The following SORCS2 variants were observed in gnomAD, a reference collection of about 807,000 sequenced individuals.
The protein encoded by SORCS2 is sortilin related VPS10 domain containing receptor 2, also known as VPS10 domain-containing receptor SorCS2.
In SORCS2, 100 loss-of-function variants were observed where a neutral mutation model predicts 141.6. That is an observed-to-expected ratio of 0.71 (90% CI 0.60 to 0.83). The LOEUF (loss-of-function observed/expected upper bound fraction) is 0.83. Ranked by LOEUF, SORCS2 falls within the 40% of genes least tolerant of loss-of-function variation. SORCS2 has a pLI of 0.00. For synonymous variants in SORCS2, 789 were observed against 676.9 expected, an observed-to-expected ratio of 1.17 and a Z score of -2.57; for missense variants, 1,646 against 1,560.2, an observed-to-expected ratio of 1.05 and a Z score of -0.93.
intron 2 of SORCS2, among the ~76,000 whole-genome samples, chr4:7,485,201 C>T (rs766144501): frequency 6.6e-6 from 1 of 152,218 alleles, no homozygotes; most frequent in Non-Finnish European, 1.5e-5. Context: ...CTGCAGCCTT[C>T]GGTCCCCAGA....
chr4:7,432,640 G>A (rs531101006), intron 2 of SORCS2: 2 of 152,120 alleles, frequency 1.3e-5, no homozygotes, highest in South Asian at 2.1e-4. Context: ...GCAGCGGAGG[G>A]TCTGGGGTGC....
intron 3 of SORCS2, among the ~76,000 whole-genome samples, chr4:7,546,769 G>A (rs998623187): frequency 4.6e-5 from 7 of 152,200 alleles, no homozygotes; most frequent in Non-Finnish European, 1.0e-4. Context: ...AGCAAGAAGT[G>A]GGATTTAAGG....
intron 1 of SORCS2, among the ~76,000 whole-genome samples, chr4:7,207,579 C>G (rs987723974): frequency 2.0e-5 from 3 of 152,328 alleles, no homozygotes; most frequent in African/African-American, 7.2e-5. Context: ...AGGATCCCTC[C>G]TTATGGCACA....
Position 7,733,277 on chromosome 4 carries a change from G to A in SORCS2, c.3109-45G>A, listed in dbSNP as rs780732635. 57 of 1,418,088 alleles carry A rather than the reference G, an allele frequency of 4.0e-5. No individual in the cohort carries two copies. The East Asian group carries it at 1.5e-3, about 37-fold the overall frequency. 87.8% of individuals were successfully genotyped at this position (1,418,088 alleles called of 1,614,324 possible). ...CCATCCCCCTTCCCTTTTGGCAGAGGAGCCTCCATGGAGGCCTCACTCACT... is the reference window on the plus strand; with the variant it reads ...CCATCCCCCTTCCCTTTTGGCAGAGAAGCCTCCATGGAGGCCTCACTCACT... On this transcript the variant is annotated intron_variant, in intron 23 of 26. Transcript: ENST00000507866.
At chr4:7,276,826 C>G (rs1039662082) in intron 1 of SORCS2, among the ~76,000 whole-genome samples, 8 of 152,168 alleles carry the variant, frequency 5.3e-5, no homozygotes, top group African/African-American at 1.9e-4. Flanking sequence ...CCATTCATCA[C>G]GCGGCAGACC....
At chr4:7,414,766 T>C (rs191592608) in intron 2 of SORCS2, among the ~76,000 whole-genome samples, 2 of 152,322 alleles carry the variant, frequency 1.3e-5, no homozygotes, top group African/African-American at 2.4e-5. Flanking sequence ...TAATTAGATA[T>C]AGGGTCTATG....
rs377432179 is a variant in SORCS2, at chr4:7,509,197, C to T, written c.549-22333C>T. On this transcript the variant is annotated intron_variant, in intron 2 of 26. Coordinates refer to ENST00000507866, the MANE Select transcript of SORCS2 (RefSeq NM_020777.3). Reference sequence around the variant, plus strand: ...AGCCCACATTAGAGCTGGGAGCATTCGCTGCCCCCCCAGAGCAAGGGGACA... The same window carrying T: ...AGCCCACATTAGAGCTGGGAGCATTTGCTGCCCCCCCAGAGCAAGGGGACA... Among the ~76,000 whole-genome samples, 108 of 152,262 alleles carry T rather than the reference C, an allele frequency of 7.1e-4. 1 individual carries two copies. In the South Asian group the frequency reaches 0.019, roughly 27 times the overall value.
rs1356894250 is a variant in SORCS2 at position 7,664,934 on chromosome 4, A to C, written c.1071+463A>C. Among the ~76,000 whole-genome samples the C allele has an allele frequency of 6.6e-6, 1 of 152,190 alleles. No homozygotes were observed. Among genetic ancestry groups the C allele is most frequent in the Non-Finnish European group, 1.5e-5 (1 of 68,028 alleles). Reference sequence around the variant, plus strand: ...TGGTCCCAGCTAATTCAGAAACTCTAGCACACAACCAATCCATCCAGCTTT... The same window carrying C: ...TGGTCCCAGCTAATTCAGAAACTCTCGCACACAACCAATCCATCCAGCTTT... On this transcript the variant is annotated intron_variant, in intron 7 of 26. Transcript: ENST00000507866. This position sits in a 1 kb window ranked among gnomAD's most constrained non-coding sequence, Gnocchi z 4.7.
At chr4:7,313,121 G>C (rs540894819) in intron 1 of SORCS2, among the ~76,000 whole-genome samples, 39 of 152,238 alleles carry the variant, frequency 2.6e-4, no homozygotes, top group Non-Finnish European at 4.8e-4. Flanking sequence ...GTACAACATG[G>C]TTAATTTCAC....
intron 2 of SORCS2, among the ~76,000 whole-genome samples, chr4:7,444,436 C>T (rs1342556368): frequency 1.3e-5 from 2 of 152,136 alleles, no homozygotes; most frequent in Non-Finnish European, 1.5e-5. Flanking sequence ...TGAGTGTAAA[C>T]TTGGAGGAGT....
intron 1 of SORCS2, among the ~76,000 whole-genome samples, chr4:7,347,601 G>A (rs1417228627): frequency 1.3e-5 from 2 of 152,186 alleles, no homozygotes; most frequent in Non-Finnish European, 2.9e-5. Context: ...ACTCACCTGA[G>A]TGGTTCCAAA....
At chr4:7,559,312 G>A (rs552027153) in intron 3 of SORCS2, among the ~76,000 whole-genome samples, 2 of 152,176 alleles carry the variant, frequency 1.3e-5, no homozygotes, top group African/African-American at 2.4e-5. Context: ...GGTTTATCTC[G>A]AGCCTGGCCC....
intron 3 of SORCS2, among the ~76,000 whole-genome samples, chr4:7,615,757 G>A (rs1718716822): frequency 1.4e-5 from 2 of 140,088 alleles, no homozygotes; most frequent in African/African-American, 5.6e-5. Flanking sequence ...CCCTCTTCAC[G>A]GTGCTCATCA....
chr4:7,279,335 ATG>A (rs1166137899), intron 1 of SORCS2, among the ~76,000 whole-genome samples: 1 of 152,216 alleles, frequency 6.6e-6, no homozygotes, highest in Non-Finnish European at 1.5e-5. Flanking sequence ...GTGGGGCAAA[ATG>A]TGTCTGTGAG....
chr4:7,723,826 G>A lies in SORCS2; in HGVS notation c.2554G>A (p.Val852Ile), dbSNP rs373572187. ...YESPGIYRVSVRAENTAGHDE... is the reference protein window; with the variant it reads ...YESPGIYRVSIRAENTAGHDE... Reference sequence around the variant, plus strand: ...GAGCCCCGGCATCTACCGCGTGTCCGTCAGGGCAGAGAACACGGCAGGCCA... The same window carrying A: ...GAGCCCCGGCATCTACCGCGTGTCCATCAGGGCAGAGAACACGGCAGGCCA... Residue 852 changes from valine to isoleucine, a missense_variant, in exon 19 of 27, where the codon GTC (valine) becomes ATC (isoleucine). Physicochemically the swap from Val to Ile is conservative, Grantham distance 29 (BLOSUM62 3). Transcript: ENST00000507866. The A allele has an allele frequency of 1.5e-4, 246 of 1,613,278 alleles. No individual in the cohort carries two copies. The East Asian group carries it at 1.9e-3, about 13-fold the overall frequency.
chr4:7,240,848 C>G (rs918778683), intron 1 of SORCS2, among the ~76,000 whole-genome samples: 1 of 152,164 alleles, frequency 6.6e-6, no homozygotes, highest in Non-Finnish European at 1.5e-5. Context: ...GTTTACACCC[C>G]GGTCGACCTT....
chr4:7,703,190 T>C (rs899620758), intron 12 of SORCS2, 90 bp from the exon 13 acceptor site: 10 of 1,042,458 alleles, frequency 9.6e-6, no homozygotes, highest in Admixed American at 2.6e-5. Flanking sequence ...CGGCTGCACA[T>C]TGACAACCCT....
intron 2 of SORCS2, among the ~76,000 whole-genome samples, chr4:7,475,204 G>A (rs10012715): frequency 0.14 from 21,201 of 152,038 alleles, 1,979 homozygotes; most frequent in African/African-American, 0.25. Flanking sequence ...ATAGGGTGCC[G>A]CCGTGCCTGG....
chr4:7,526,721 C>G (rs929151659), intron 2 of SORCS2, among the ~76,000 whole-genome samples: 2 of 152,174 alleles, frequency 1.3e-5, no homozygotes, highest in Non-Finnish European at 2.9e-5. Context: ...AAGAGCGAGT[C>G]TCTCAGCTGG....
Sources: gnomAD v4.1 joint callset for allele counts (sites outside exome capture counted in the v4.1 genomes callset) on GRCh38, gnomAD v4.1.1 for gene constraint, Gnocchi (gnomAD v3.1) non-coding constraint, MANE v1.5 for transcripts, NCBI Gene and HGNC (gene_info 2026-07-23, HGNC 2026-07-21) for gene names.